TUBGCP3: variants seen among roughly 807,000 people sequenced by gnomAD.
TUBGCP3 encodes the protein gamma-tubulin complex component 3.
TUBGCP3 carries 50 observed loss-of-function variants against 123.1 expected under a neutral mutation model. The ratio of observed to expected loss-of-function variants is 0.41; its 90% CI spans 0.32 to 0.51. The LOEUF (loss-of-function observed/expected upper bound fraction) is 0.51. Ranked by LOEUF, TUBGCP3 falls within the 20% of genes least tolerant of loss-of-function variation. The probability of loss-of-function intolerance (pLI) is 0.36; values close to 1 mark genes in which losing one functional copy is unlikely to be tolerated. For synonymous variants in TUBGCP3, 405 were observed against 413.9 expected, an observed-to-expected ratio of 0.98 and a Z score of 0.26; for missense variants, 882 against 1,127.0, an observed-to-expected ratio of 0.78 and a Z score of 3.11.
intron 1 of TUBGCP3, among the ~76,000 whole-genome samples, chr13:112,579,420 A>C (rs1245235389): frequency 3.6e-5 from 5 of 139,212 alleles, no homozygotes; most frequent in Non-Finnish European, 6.2e-5. Context: ...GCTGAGTGCC[A>C]GCGGGGCCAC....
the TUBGCP3 span, among the ~76,000 whole-genome samples, chr13:112,601,015 C>T: frequency 6.6e-6 from 1 of 151,900 alleles, no homozygotes; most frequent in Non-Finnish European, 1.5e-5. Context: ...TGGCGAAACC[C>T]CGTCTCTACT....
intron 16 of TUBGCP3, among the ~76,000 whole-genome samples, chr13:112,516,881 G>A (rs1876178976): frequency 6.6e-6 from 1 of 152,204 alleles, no homozygotes; most frequent in Non-Finnish European, 1.5e-5. Flanking sequence ...GGATCCGTGA[G>A]GCAGGGGTGC....
chr13:112,529,903 T>C (rs902787444), intron 11 of TUBGCP3, among the ~76,000 whole-genome samples: 1 of 152,166 alleles, frequency 6.6e-6, no homozygotes, highest in Non-Finnish European at 1.5e-5. Flanking sequence ...AAAAATTACA[T>C]AGCAATACAA....
intron 2 of TUBGCP3, among the ~76,000 whole-genome samples, chr13:112,567,681 C>T (rs748752890): frequency 2.0e-5 from 3 of 152,170 alleles, no homozygotes; most frequent in African/African-American, 7.2e-5. Flanking sequence ...TCCCACTGCT[C>T]GTCCAGCCCT....
Position 112,547,691 on chromosome 13 carries a change from C to T in TUBGCP3, c.1097G>A (p.Arg366His), listed in dbSNP as rs1879178593. 6.3e-7 allele frequency: 1 copy of T among 1,578,330 alleles called. No individual in the cohort carries two copies. The highest frequency in any genetic ancestry group is 8.6e-7 in the Non-Finnish European group (1 of 1,159,810). ...LGLESSLTLR[R>H]LLVWTYDPKI... ...GGGATCATAGGTCCAAACCAGGAGG[C>T]GCCGAAGTGTTAAACTACTCTCAAG... The change falls in exon 10 of 22, where the codon CGC becomes CAC. Residue 366 changes from arginine to histidine, a missense_variant. Transcript: ENST00000261965.
intron 1 of TUBGCP3, 21 bp downstream of exon 1, chr13:112,587,884 C>T (rs1882739416): frequency 6.3e-7 from 1 of 1,583,758 alleles, no homozygotes; most frequent in Non-Finnish European, 8.6e-7. Context: ...CTGCGGGCTT[C>T]GCGTCGCCCG....
intron 4 of TUBGCP3, among the ~76,000 whole-genome samples, chr13:112,559,121 A>C (rs1880289125): frequency 1.3e-5 from 2 of 152,228 alleles, no homozygotes; most frequent in Admixed American, 6.5e-5. Context: ...TGAATAACAA[A>C]ATTCTGAAAA....
intron 16 of TUBGCP3, 110 bp from the exon 17 acceptor site, chr13:112,516,685 G>A: frequency 7.7e-7 from 1 of 1,297,160 alleles, no homozygotes. Flanking sequence ...ATCATAATAG[G>A]CAGCATGCTA....
At position 112,499,131 on chromosome 13, in the gene TUBGCP3, C is replaced by T. The variant is rs1385957109; in HGVS notation, c.2362G>A (p.Ala788Thr). The part of the protein sequence containing the change: ...VFDQIIELQN[A>T]QDAIYRAALE... The stretch of plus-strand genomic sequence containing the variant: ...GCAGCTCTGTATATTGCATCTTGAG[C>T]ATTCTGAAGTTCAATAATTTGATCA... Residue 788 changes from alanine (A) to threonine (T), a missense_variant, in exon 20 of 22, where the codon GCT becomes ACT. By Grantham distance (58) the Ala-to-Thr change is moderately conservative. Transcript: ENST00000261965. The T allele has an allele frequency of 6.2e-7, 1 of 1,613,978 alleles. No individual in the cohort carries two copies. The highest frequency in any genetic ancestry group is 8.5e-7 in the Non-Finnish European group (1 of 1,179,982).
rs181588576 is a variant in TUBGCP3, at chr13:112,577,689, C to T, written c.77-8430G>A. On this transcript the variant is annotated intron_variant, in intron 1 of 21. Coordinates refer to ENST00000261965, the MANE Select transcript of TUBGCP3 (RefSeq NM_006322.6). ...CACGGTTATGTAAGACAAAATGGTACTGGGCTTACAGGAACTCTATATTTG... is the reference window on the plus strand; with the variant it reads ...CACGGTTATGTAAGACAAAATGGTATTGGGCTTACAGGAACTCTATATTTG... 1.2e-4 allele frequency among the ~76,000 whole-genome samples: 19 copies of T among 152,286 alleles called. No homozygotes were observed. The East Asian group carries it at 3.7e-3, about 29-fold the overall frequency.
intron 1 of TUBGCP3, among the ~76,000 whole-genome samples, chr13:112,576,102 A>G (rs113439651): frequency 3.3e-5 from 5 of 152,232 alleles, no homozygotes; most frequent in South Asian, 2.1e-4. Context: ...TTATATCACT[A>G]TATTACATCT....
intron 8 of TUBGCP3, among the ~76,000 whole-genome samples, chr13:112,550,826 C>G (rs74135758): frequency 6.6e-6 from 1 of 152,146 alleles, no homozygotes; most frequent in Non-Finnish European, 1.5e-5. Flanking sequence ...CGGCCAGGTG[C>G]GGTGGCTCAC....
intron 17 of TUBGCP3, among the ~76,000 whole-genome samples, chr13:112,514,662 G>A (rs1875927727): frequency 6.6e-6 from 1 of 152,178 alleles, no homozygotes; most frequent in African/African-American, 2.4e-5. Flanking sequence ...TGGGCTTACT[G>A]AGATATGAGC....
chr13:112,501,260 G>T (rs1396220879), intron 19 of TUBGCP3, among the ~76,000 whole-genome samples: 2 of 152,186 alleles, frequency 1.3e-5, no homozygotes, highest in Admixed American at 1.3e-4. Flanking sequence ...GATACAGACG[G>T]TTTAATCTGT....
intron 19 of TUBGCP3, among the ~76,000 whole-genome samples, chr13:112,501,632 A>C (rs1043537701): frequency 6.6e-6 from 1 of 152,280 alleles, no homozygotes; most frequent in Non-Finnish European, 1.5e-5. Flanking sequence ...GCTTATGTCA[A>C]TAATAGATTG....
At chr13:112,496,326 T>C (rs1880525825) in intron 20 of TUBGCP3, among the ~76,000 whole-genome samples, 1 of 152,100 alleles carries the variant, frequency 6.6e-6, no homozygotes, top group Non-Finnish European at 1.5e-5. Context: ...CCCCACACAA[T>C]GGCAGCATAA....
chr13:112,531,186 A>G (rs1052064639), intron 11 of TUBGCP3, among the ~76,000 whole-genome samples: 5 of 152,208 alleles, frequency 3.3e-5, no homozygotes, highest in Admixed American at 6.5e-5. Context: ...ATGTACAGCC[A>G]ATCTCCTGGT....
At chr13:112,521,522 C>T in intron 14 of TUBGCP3, 1 of 277,392 alleles carries the variant, frequency 3.6e-6, no homozygotes, top group Non-Finnish European at 5.5e-6. Context: ...GAAGTGGGCC[C>T]ACAAGCTACT....
upstream of TUBGCP3, among the ~76,000 whole-genome samples, chr13:112,590,294 T>C (rs1323872596): frequency 6.6e-6 from 1 of 152,114 alleles, no homozygotes; most frequent in Middle Eastern, 3.2e-3. Flanking sequence ...TTTCTTAACG[T>C]GCATACACGA....
Sources: allele counts gnomAD v4.1 joint callset (sites outside exome capture counted in the v4.1 genomes callset), GRCh38; gene constraint gnomAD v4.1.1; transcripts MANE v1.5; gene names NCBI Gene and HGNC (gene_info 2026-07-23, HGNC 2026-07-21).